MRPL33: variants seen among roughly 807,000 people sequenced by gnomAD.
The protein encoded by MRPL33 is mitochondrial ribosomal protein L33.
MRPL33 carries 5 observed loss-of-function variants against 10.1 expected under a neutral mutation model. The ratio of observed to expected loss-of-function variants is 0.49; its 90% CI spans 0.26 to 1.04. The LOEUF (loss-of-function observed/expected upper bound fraction) is 1.04, where lower values mean the gene tolerates loss of function less well. Ranked by LOEUF, MRPL33 falls within the 50% of genes least tolerant of loss-of-function variation. MRPL33 has a pLI of 0.14. For synonymous variants in MRPL33, 24 were observed against 27.7 expected (o/e 0.87, Z 0.42); for missense variants, 79 against 78.1 (o/e 1.01, Z -0.04).
chr2:27,776,813 AAATT>A (rs1320721778), intron 3 of MRPL33, among the ~76,000 whole-genome samples: 5 of 152,216 alleles, frequency 3.3e-5, no homozygotes, highest in Admixed American at 2.6e-4. Flanking sequence ...TTTTGACAGA[AAATT>A]AATTCATGTT....
At chr2:27,773,700 A>G (rs1360301405) in intron 2 of MRPL33, among the ~76,000 whole-genome samples, 1 of 152,238 alleles carries the variant, frequency 6.6e-6, no homozygotes, top group Non-Finnish European at 1.5e-5. Context: ...GTCTATCTTA[A>G]TTACAAACAA....
At chr2:27,777,261 C>T (rs2148174727) in intron 3 of MRPL33, among the ~76,000 whole-genome samples, 1 of 151,980 alleles carries the variant, frequency 6.6e-6, no homozygotes, top group East Asian at 1.9e-4. Context: ...CTCCTGGCCT[C>T]TACTAATCCT....
At chr2:27,773,995 A>G (rs1305689604) in intron 2 of MRPL33, among the ~76,000 whole-genome samples, 1 of 152,134 alleles carries the variant, frequency 6.6e-6, no homozygotes. Context: ...TAGTCTCTTT[A>G]TTTTGTCCCT....
intron 3 of MRPL33, 22 bp from the exon 4 acceptor site, chr2:27,779,411 A>G (rs1558529302): frequency 3.2e-6 from 5 of 1,570,348 alleles, no homozygotes; most frequent in Admixed American, 4.0e-5. Flanking sequence ...TTCTGCCACA[A>G]TTTTTTTTTC....
intron 3 of MRPL33, among the ~76,000 whole-genome samples, chr2:27,775,045 ATGGTTTCTATATATTAG>A (rs1472220673): frequency 6.6e-6 from 1 of 152,234 alleles, no homozygotes; most frequent in African/African-American, 2.4e-5. Context: ...TTAAAGGAAT[ATGGTTTCTATATATTAG>A]TGCAGTGGGG....
chr2:27,775,494 G>GGT (rs1677131789), intron 3 of MRPL33, among the ~76,000 whole-genome samples: 1 of 151,628 alleles, frequency 6.6e-6, no homozygotes, highest in South Asian at 2.1e-4. Flanking sequence ...TGGGACTACA[G>GGT]GTGTGTGCCA....
intron 2 of MRPL33, 64 bp from the exon 3 acceptor site, chr2:27,774,360 C>A: frequency 7.7e-7 from 1 of 1,306,390 alleles, no homozygotes; most frequent in Non-Finnish European, 1.1e-6. Flanking sequence ...ATGTGCCATC[C>A]CCCTGTGACT....
At chr2:27,779,326 G>A in intron 3 of MRPL33, 107 bp from the exon 4 acceptor site, 1 of 1,315,852 alleles carries the variant, frequency 7.6e-7, no homozygotes, top group Non-Finnish European at 1.0e-6. Context: ...TCAAGGAATA[G>A]TAAAATAAGA....
At chr2:27,774,341 G>A in intron 2 of MRPL33, 83 bp from the exon 3 acceptor site, 1 of 1,091,108 alleles carries the variant, frequency 9.2e-7, no homozygotes, top group Non-Finnish European at 1.4e-6. Flanking sequence ...ACCCTACAGA[G>A]TTCTCAAAAT....
At chr2:27,774,288 A>G (rs938585498) in intron 2 of MRPL33, 136 bp from the exon 3 acceptor site, 1 of 704,330 alleles carries the variant, frequency 1.4e-6, no homozygotes, top group Non-Finnish European at 2.5e-6. Flanking sequence ...GCTGTCTTAC[A>G]ACTGAACCTT....
chr2:27,773,372 C>T (rs1677088998), intron 2 of MRPL33, among the ~76,000 whole-genome samples: 1 of 152,218 alleles, frequency 6.6e-6, no homozygotes, highest in East Asian at 1.9e-4. Context: ...AGCGCTTTCC[C>T]TCCCAGTATC....
At chr2:27,772,190 G>T (rs1441149790) in intron 1 of MRPL33, 1 of 275,328 alleles carries the variant, frequency 3.6e-6, no homozygotes, top group Non-Finnish European at 6.8e-6. Flanking sequence ...GAGTAATGCG[G>T]CAGGGCAGTT....
intron 2 of MRPL33, among the ~76,000 whole-genome samples, chr2:27,773,738 T>G (rs1677095877): frequency 6.6e-6 from 1 of 152,256 alleles, no homozygotes; most frequent in Non-Finnish European, 1.5e-5. Context: ...TGAGGCACTG[T>G]GCTGAATGTT....
At chr2:27,775,837 T>G (rs1266330208) in intron 3 of MRPL33, among the ~76,000 whole-genome samples, 1 of 152,188 alleles carries the variant, frequency 6.6e-6, no homozygotes, top group Non-Finnish European at 1.5e-5. Context: ...GAATTCTAGG[T>G]CTGTATCTGA....
intron 1 of MRPL33, 183 bp downstream of exon 1, chr2:27,771,982 C>A: frequency 1.6e-6 from 1 of 626,182 alleles, no homozygotes. Context: ...CCTGCGCGGA[C>A]CTGTGGGTGC....
chr2:27,779,386 T>A (rs756704766), intron 3 of MRPL33, 47 bp from the exon 4 acceptor site: 4 of 1,567,950 alleles, frequency 2.6e-6, no homozygotes, highest in Non-Finnish European at 3.4e-6. Context: ...AAAATGGCGA[T>A]GATACTTAAT....
At chr2:27,777,636 A>T (rs367852620) in intron 3 of MRPL33, among the ~76,000 whole-genome samples, 3 of 152,142 alleles carry the variant, frequency 2.0e-5, no homozygotes, top group African/African-American at 7.2e-5. Context: ...TGATGTATTA[A>T]ATCAGGGAGT....
chr2:27,777,280 A>C (rs1677195461), intron 3 of MRPL33, among the ~76,000 whole-genome samples: 1 of 151,600 alleles, frequency 6.6e-6, no homozygotes, highest in South Asian at 2.1e-4. Flanking sequence ...CTCCTACCTC[A>C]GTCTCCCAAG....
rs1039324151 is a variant in MRPL33 at position 27,771,734 on chromosome 2, G to A, written c.-44G>A. On this transcript the variant is annotated 5_prime_UTR_variant, in exon 1 of 4. Coordinates refer to ENST00000296102, the MANE Select transcript of MRPL33 (RefSeq NM_004891.4). Reference sequence around the variant, plus strand: ...CCCCGGAAGCAGTTGTTGTTGGTTGGGGGCCTTTTGGCCGGTGACGGAGAC... The same window carrying A: ...CCCCGGAAGCAGTTGTTGTTGGTTGAGGGCCTTTTGGCCGGTGACGGAGAC... 1.9e-6 allele frequency: 3 copies of A among 1,613,434 alleles called. No individual in the cohort carries two copies. The highest frequency in any genetic ancestry group is 1.1e-5 in the South Asian group (1 of 90,986).
Sources: gnomAD v4.1 joint callset for allele counts (sites outside exome capture counted in the v4.1 genomes callset) on GRCh38, gnomAD v4.1.1 for gene constraint, MANE v1.5 for transcripts, NCBI Gene and HGNC (gene_info 2026-07-23, HGNC 2026-07-21) for gene names.